Variants in NOS1AP observed in about 807,000 individuals in gnomAD.
The protein encoded by NOS1AP is carboxyl-terminal PDZ ligand of neuronal nitric oxide synthase protein.
NOS1AP carries 21 observed loss-of-function variants against 56.2 expected under a neutral mutation model. The ratio of observed to expected loss-of-function variants is 0.37; its 90% CI spans 0.26 to 0.54. NOS1AP has a LOEUF of 0.54. Ranked by LOEUF, NOS1AP falls within the 20% of genes least tolerant of loss-of-function variation. The pLI is 0.84. For missense variants in NOS1AP, 522 were observed against 657.8 expected (o/e 0.79, Z 2.26); for synonymous variants, 270 against 274.6 (o/e 0.98, Z 0.17).
chr1:162,179,396 T>C (rs1276882385), intron 2 of NOS1AP, among the ~76,000 whole-genome samples: 1 of 152,144 alleles, frequency 6.6e-6, no homozygotes. Context: ...ATAATCTGTG[T>C]TCTTATTTGT....
At chr1:162,088,874 A>G (rs978282913) in intron 1 of NOS1AP, among the ~76,000 whole-genome samples, 1 of 152,084 alleles carries the variant, frequency 6.6e-6, no homozygotes, top group African/African-American at 2.4e-5. Context: ...TCCTGTGGTA[A>G]CGTCTTTATG....
chr1:162,316,734 A>G (rs997021096), intron 4 of NOS1AP: 1 of 152,690 alleles, frequency 6.5e-6, no homozygotes, highest in African/African-American at 2.4e-5. Context: ...CTCACAAAGT[A>G]CATTCTCAAG....
chr1:162,261,497 AG>A (rs1453847942), intron 2 of NOS1AP, among the ~76,000 whole-genome samples: 100 of 736 alleles, frequency 0.14, 38 homozygotes, highest in African/African-American at 0.22. Flanking sequence ...AGAGAGAGAG[AG>A]AGAGAGAGAG....
chr1:162,326,874 AAG>A (rs1291470591), intron 4 of NOS1AP, among the ~76,000 whole-genome samples: 2 of 152,230 alleles, frequency 1.3e-5, no homozygotes, highest in East Asian at 1.9e-4. Flanking sequence ...CAGAGACTGA[AAG>A]AGGGAATAAA....
At chr1:162,117,874 C>T (rs1485246912) in intron 1 of NOS1AP, among the ~76,000 whole-genome samples, 2 of 152,172 alleles carry the variant, frequency 1.3e-5, no homozygotes, top group Admixed American at 6.5e-5. Context: ...CTTCCACTGT[C>T]CCCTGGGAGC....
chr1:162,217,267 C>CTTTTTTTTTTTTTTTTTTTTTTTTTTTTT lies in NOS1AP; in HGVS notation c.177+62805_177+62806insTTTTTTTTTTTTTTTTTTTTTTTTTTTTT, dbSNP rs61378473. 4.4e-4 allele frequency among the ~76,000 whole-genome samples: 30 copies of CTTTTTTTTTTTTTTTTTTTTTTTTTTTTT among 68,386 alleles called. 12 individuals are homozygous for CTTTTTTTTTTTTTTTTTTTTTTTTTTTTT. Among genetic ancestry groups the CTTTTTTTTTTTTTTTTTTTTTTTTTTTTT allele is most frequent in the East Asian group, 1.1e-3 (2 of 1,840 alleles). 44.9% of individuals were successfully genotyped at this position (68,386 alleles called of 152,430 possible). A position where few individuals can be genotyped will look rare whatever the true frequency, so the allele number is the denominator to read the frequency against. On this transcript the variant is annotated intron_variant, in intron 2 of 9. Transcript: ENST00000361897. ...TGGGTCCTGAAACAGCTGTTGTTAG[C>CTTTTTTTTTTTTTTTTTTTTTTTTTTTTT]TTTTTTTTTTTTTTGAGATGAAGTC...
chr1:162,114,027 T>G, intron 1 of NOS1AP, among the ~76,000 whole-genome samples: 1 of 152,124 alleles, frequency 6.6e-6, no homozygotes, highest in East Asian at 1.9e-4. Context: ...ATGTTTCCCG[T>G]GGTGGTGTGG....
At chr1:162,302,961 T>C (rs1655711496) in intron 4 of NOS1AP, among the ~76,000 whole-genome samples, 1 of 152,214 alleles carries the variant, frequency 6.6e-6, no homozygotes, top group Non-Finnish European at 1.5e-5. Flanking sequence ...CAGCATAATT[T>C]ATTTTGAGAT....
Position 162,256,548 on chromosome 1 carries a change from C to T in NOS1AP, c.178-30796C>T, listed in dbSNP as rs577301788. On this transcript the variant is annotated intron_variant, in intron 2 of 9. Coordinates refer to ENST00000361897, the MANE Select transcript of NOS1AP (RefSeq NM_014697.3). Reference sequence around the variant, plus strand: ...TTGAACAACAGCATCACTCATTGTACTTGGCCACATTTGCTTCACCTTTCT... The same window carrying T: ...TTGAACAACAGCATCACTCATTGTATTTGGCCACATTTGCTTCACCTTTCT... Among the ~76,000 whole-genome samples, 9 of 152,306 alleles carry T rather than the reference C, an allele frequency of 5.9e-5. No homozygotes were observed. In the South Asian group the frequency reaches 1.9e-3, roughly 32 times the overall value.
At chr1:162,112,454 C>A (rs562716548) in intron 1 of NOS1AP, among the ~76,000 whole-genome samples, 2 of 152,282 alleles carry the variant, frequency 1.3e-5, no homozygotes, top group East Asian at 3.9e-4. Flanking sequence ...CTCTTCAAAC[C>A]CCTCTGGGTT....
At chr1:162,340,082 T>A (rs1249868347) in intron 5 of NOS1AP, among the ~76,000 whole-genome samples, 2 of 152,206 alleles carry the variant, frequency 1.3e-5, no homozygotes, top group African/African-American at 2.4e-5. Flanking sequence ...TGTATGTATG[T>A]AGTCATTCTG....
chr1:162,098,012 C>G (rs1692286759), intron 1 of NOS1AP, among the ~76,000 whole-genome samples: 1 of 150,738 alleles, frequency 6.6e-6, no homozygotes, highest in Non-Finnish European at 1.5e-5. Flanking sequence ...TCTTTTAGTC[C>G]ATGAATATGG....
intron 2 of NOS1AP, among the ~76,000 whole-genome samples, chr1:162,170,306 G>C (rs991203327): frequency 2.6e-5 from 4 of 152,124 alleles, no homozygotes; most frequent in African/African-American, 9.7e-5. Context: ...CCTCACAAAA[G>C]CCCTTGGAGG....
chr1:162,087,072 T>G (rs766510713), intron 1 of NOS1AP, among the ~76,000 whole-genome samples: 20 of 152,136 alleles, frequency 1.3e-4, no homozygotes, highest in Non-Finnish European at 2.4e-4. Flanking sequence ...TGAACTTTTG[T>G]ATTTTCTGCA....
At chr1:162,196,198 G>T (rs1172055970) in intron 2 of NOS1AP, among the ~76,000 whole-genome samples, 1 of 152,040 alleles carries the variant, frequency 6.6e-6, no homozygotes, top group Non-Finnish European at 1.5e-5. Flanking sequence ...AGGAAAATGT[G>T]GTAAAATGGA....
chr1:162,152,181 C>T (rs1649741490), intron 1 of NOS1AP, among the ~76,000 whole-genome samples: 1 of 152,166 alleles, frequency 6.6e-6, no homozygotes, highest in Non-Finnish European at 1.5e-5. Context: ...TGTGTTTAGG[C>T]CCAATGGTGG....
chr1:162,365,604 G>T, intron 9 of NOS1AP, 35 bp downstream of exon 9: 2 of 1,603,648 alleles, frequency 1.2e-6, no homozygotes, highest in South Asian at 1.1e-5. Context: ...TGCTTCCTCT[G>T]TGAAGGCTCT....
In NOS1AP at chr1:162,093,630, C is replaced by T. The variant is rs575735776; in HGVS notation, c.105+23348C>T. On this transcript the variant is annotated intron_variant, in intron 1 of 9. Coordinates refer to ENST00000361897, the MANE Select transcript of NOS1AP (RefSeq NM_014697.3). ...AGTGGTGTGGCATGATCATGGCTCA[C>T]TGCAGCTTTGAACTCCTGGGCTCAA... 2.1e-3 allele frequency among the ~76,000 whole-genome samples: 326 copies of T among 152,170 alleles called. 2 individuals are homozygous for T. Among genetic ancestry groups the T allele is most frequent in the African/African-American group, 7.7e-3 (318 of 41,508 alleles).
intron 5 of NOS1AP, chr1:162,342,778 T>C (rs375864257): frequency 5.5e-6 from 2 of 361,540 alleles, no homozygotes; most frequent in East Asian, 1.5e-4. Flanking sequence ...ATGGACTATA[T>C]GGTGTCAACA....
Sources: allele counts gnomAD v4.1 joint callset (sites outside exome capture counted in the v4.1 genomes callset), GRCh38; gene constraint gnomAD v4.1.1; transcripts MANE v1.5; gene names NCBI Gene and HGNC (gene_info 2026-07-23, HGNC 2026-07-21).